The following ZMYM2 variants were observed in gnomAD, a reference collection of about 807,000 sequenced individuals.
The protein encoded by ZMYM2 is zinc finger MYM-type protein 2.
ZMYM2 carries 56 observed loss-of-function variants against 162.8 expected under a neutral mutation model. The observed-to-expected ratio is 0.34, with a 90% CI of 0.28 to 0.43. The LOEUF (loss-of-function observed/expected upper bound fraction) is 0.43, where lower values mean the gene tolerates loss of function less well. ZMYM2 is among the 20% of genes least tolerant of loss of function. The probability of loss-of-function intolerance (pLI) is 1.00; values close to 1 mark genes in which losing one functional copy is unlikely to be tolerated. For synonymous variants in ZMYM2, 510 were observed against 541.6 expected, an observed-to-expected ratio of 0.94 and a Z score of 0.81; for missense variants, 1,275 against 1,621.8, an observed-to-expected ratio of 0.79 and a Z score of 3.67.
upstream of ZMYM2, among the ~76,000 whole-genome samples, chr13:19,956,368 AT>A (rs1198555971): frequency 1.3e-5 from 2 of 152,214 alleles, no homozygotes; most frequent in Admixed American, 6.5e-5. Flanking sequence ...GATGTACCAC[AT>A]TTTGTTTATC....
chr13:20,034,211 G>GGTTTTT lies in ZMYM2; in HGVS notation c.1969-43_1969-42insGTTTTT, dbSNP rs754274803. 5 of 1,387,042 alleles carry GGTTTTT rather than the reference G, an allele frequency of 3.6e-6. No homozygotes were observed. In the East Asian group the frequency reaches 1.1e-4, roughly 30 times the overall value. 85.9% of individuals were successfully genotyped at this position (1,387,042 alleles called of 1,614,324 possible). A position where few individuals can be genotyped will look rare whatever the true frequency, so the allele number is the denominator to read the frequency against. ...TAAAAGTGGCGTGTTTATTTCTTAAGCTTGTCGTCATATACTTACCAAGGT... is the reference window on the plus strand; with the variant it reads ...TAAAAGTGGCGTGTTTATTTCTTAAGGTTTTTCTTGTCGTCATATACTTACCAAGGT... On this transcript the variant is annotated intron_variant, in intron 10 of 24. Transcript: ENST00000610343.
Sources: allele counts gnomAD v4.1 joint callset (sites outside exome capture counted in the v4.1 genomes callset), GRCh38; gene constraint gnomAD v4.1.1; transcripts MANE v1.5; gene names NCBI Gene and HGNC (gene_info 2026-07-23, HGNC 2026-07-21).